Variants in ART1 observed in about 807,000 individuals in gnomAD.
The protein encoded by ART1 is ADP-ribosyltransferase 1.
In ART1, 29 loss-of-function variants were observed where a neutral mutation model predicts 27.0. The ratio of observed to expected loss-of-function variants is 1.08; its 90% confidence interval spans 0.80 to 1.47. The LOEUF is 1.47. ART1 is among the 40% of genes most tolerant of loss of function. The pLI is 0.00. For missense variants in ART1, 480 were observed against 423.0 expected, an observed-to-expected ratio of 1.13 and a Z score of -1.18; for synonymous variants, 201 against 172.2, an observed-to-expected ratio of 1.17 and a Z score of -1.31.
At chr11:3,657,565 A>T (rs1306106141) in intron 1 of ART1, among the ~76,000 whole-genome samples, 1 of 152,188 alleles carries the variant, frequency 6.6e-6, no homozygotes, top group Non-Finnish European at 1.5e-5. Flanking sequence ...ACAGAGCAAG[A>T]CCCTGCCTCA....
At chr11:3,659,439 C>T in intron 2 of ART1, 144 bp from the exon 3 acceptor site, 1 of 1,348,912 alleles carries the variant, frequency 7.4e-7, no homozygotes, top group Non-Finnish European at 1.0e-6. Context: ...GGGGAAATTA[C>T]AGCCAGAGGT....
At chr11:3,649,864 C>G (rs1488501969) in intron 1 of ART1, among the ~76,000 whole-genome samples, 1 of 152,126 alleles carries the variant, frequency 6.6e-6, no homozygotes, top group Non-Finnish European at 1.5e-5. Flanking sequence ...ATGGCTCGTT[C>G]GGCAGCAACC....
Position 3,661,404 on chromosome 11 carries a change from G to T in ART1, c.877G>T (p.Asp293Tyr). ...GTGCAAGTCTGGGCCTTGCCATCTG[G>T]ATAATTCAGGTAAGGGCTGCAGGCA... ...KKCKSGPCHL[D>Y]NSAMGQSPLS... The change falls in exon 4 of 5, where the codon GAT becomes TAT. Residue 293 changes from aspartate (D) to tyrosine (Y), a missense_variant. By Grantham distance (160) the Asp-to-Tyr change is radical. Transcript: ENST00000250693. 6.2e-7 allele frequency: 1 copy of T among 1,610,454 alleles called. No individual in the cohort carries two copies. The highest frequency in any genetic ancestry group is 8.5e-7 in the Non-Finnish European group (1 of 1,178,236).
At chr11:3,652,730 C>A (rs1446539294) in intron 1 of ART1, among the ~76,000 whole-genome samples, 1 of 151,376 alleles carries the variant, frequency 6.6e-6, no homozygotes, top group Non-Finnish European at 1.5e-5. Flanking sequence ...TCATACATGT[C>A]CTGCTCTTGT....
In ART1 at chr11:3,659,935, G is replaced by A; in HGVS notation, c.416G>A (p.Gly139Asp). The change falls in exon 3 of 5, where the codon GGC becomes GAC. Residue 139 changes from glycine (G) to aspartate (D), a missense_variant. Transcript: ENST00000250693. Reference sequence around the variant, plus strand: ...TTCAATGCAGCCGTGCGTGAGGCGGGCCGCTCCCGGGCCCACTACCTCCAC... The same window carrying A: ...TTCAATGCAGCCGTGCGTGAGGCGGACCGCTCCCGGGCCCACTACCTCCAC... Reference protein sequence around the residue: ...KEFNAAVREAGRSRAHYLHHF... With the variant: ...KEFNAAVREADRSRAHYLHHF... 1 of 1,613,492 alleles carries A rather than the reference G, an allele frequency of 6.2e-7. No homozygotes were observed. The highest frequency in any genetic ancestry group is 8.5e-7 in the Non-Finnish European group (1 of 1,179,784).
intron 1 of ART1, among the ~76,000 whole-genome samples, chr11:3,645,945 G>A (rs2077467080): frequency 6.6e-6 from 1 of 152,146 alleles, no homozygotes; most frequent in Non-Finnish European, 1.5e-5. Context: ...ACGTTGTTCT[G>A]CACTACAGAA....
chr11:3,661,023 T>C (rs2077615847), intron 3 of ART1, among the ~76,000 whole-genome samples: 1 of 152,156 alleles, frequency 6.6e-6, no homozygotes, highest in Non-Finnish European at 1.5e-5. Flanking sequence ...ATCAGGAGCA[T>C]GCATGAGTTG....
intron 1 of ART1, among the ~76,000 whole-genome samples, chr11:3,653,428 C>A (rs992894252): frequency 2.0e-5 from 3 of 148,310 alleles, no homozygotes. Context: ...CTCTACTGCG[C>A]ACCTTGTGAC....
intron 1 of ART1, among the ~76,000 whole-genome samples, chr11:3,655,051 T>G (rs1054698905): frequency 5.3e-5 from 8 of 152,168 alleles, no homozygotes; most frequent in Admixed American, 1.3e-4. Flanking sequence ...CTCATGGTCT[T>G]TGGGTTGACG....
rs769009481 is a variant in ART1, at chr11:3,660,351, G to A, written c.832G>A (p.Glu278Lys). ...ALGKHSTYNC[E>K]YIKDKKCKSG... ...GGGCAAGCACAGCACCTACAACTGC[G>A]AGTACATCAAAGGTAGGAGGGCAAG... The change falls in exon 3 of 5, where the codon GAG becomes AAG. Residue 278 changes from glutamate (E) to lysine (K), a missense_variant. Coordinates refer to ENST00000250693, the MANE Select transcript of ART1 (RefSeq NM_004314.3). The A allele has an allele frequency of 2.5e-6, 4 of 1,600,930 alleles. No individual in the cohort carries two copies. Among genetic ancestry groups the A allele is most frequent in the Non-Finnish European group, 3.4e-6 (4 of 1,178,546 alleles).
intron 1 of ART1, among the ~76,000 whole-genome samples, chr11:3,655,146 G>T (rs1350496330): frequency 6.6e-6 from 1 of 152,132 alleles, no homozygotes; most frequent in Non-Finnish European, 1.5e-5. Context: ...CCTTGCTCTG[G>T]GCTGGGCTCA....
At chr11:3,651,667 T>G (rs2077523059) in intron 1 of ART1, among the ~76,000 whole-genome samples, 1 of 151,316 alleles carries the variant, frequency 6.6e-6, no homozygotes. Context: ...TCATAACTTC[T>G]AAAATCTATT....
intron 4 of ART1, among the ~76,000 whole-genome samples, chr11:3,663,137 ATC>A (rs1157243252): frequency 2.1e-5 from 3 of 144,850 alleles, no homozygotes; most frequent in Non-Finnish European, 3.0e-5. Flanking sequence ...ATCTCATCTC[ATC>A]TCATCATCAT....
chr11:3,660,059 T>A lies in ART1; in HGVS notation c.540T>A (p.Gly180=). 6.2e-7 allele frequency: 1 copy of A among 1,613,592 alleles called. No individual in the cohort carries two copies. Among genetic ancestry groups the A allele is most frequent in the Non-Finnish European group, 8.5e-7 (1 of 1,179,908 alleles). The change falls in exon 3 of 5, where the codon GGT becomes GGA. Residue 180 remains glycine, a synonymous_variant. Transcript: ENST00000250693. ...CCCGGTGCCACCAGGTGTTCCGAGG[T>A]GTGCACGGCCTGCGCTTCCGGCCAG... is the stretch of plus-strand genomic sequence containing the variant. ...RPPRCHQVFR[G]VHGLRFRPAG...
chr11:3,655,623 C>G (rs1015688193), intron 1 of ART1: 3 of 152,180 alleles, frequency 2.0e-5, no homozygotes, highest in Non-Finnish European at 4.4e-5. Flanking sequence ...AGACAGTCTC[C>G]GGGAATATGG....
intron 1 of ART1, among the ~76,000 whole-genome samples, chr11:3,647,292 A>G (rs1397435034): frequency 3.3e-5 from 5 of 151,556 alleles, no homozygotes; most frequent in Non-Finnish European, 5.9e-5. Context: ...ATTGCACTCC[A>G]GCCTGGGCAA....
chr11:3,658,352 G>C (rs1324533640), intron 1 of ART1, among the ~76,000 whole-genome samples: 1 of 149,640 alleles, frequency 6.7e-6, no homozygotes, highest in South Asian at 2.1e-4. Flanking sequence ...AAAAAAAAGA[G>C]AGAGAAAGAA....
At chr11:3,663,097 ATC>A (rs745937194) in intron 4 of ART1, among the ~76,000 whole-genome samples, 5 of 115,548 alleles carry the variant, frequency 4.3e-5, no homozygotes, top group African/African-American at 1.8e-4. Context: ...TCATCATCTC[ATC>A]TCATCTCATC....
At chr11:3,662,240 G>C (rs918231954) in intron 4 of ART1, among the ~76,000 whole-genome samples, 1 of 152,184 alleles carries the variant, frequency 6.6e-6, no homozygotes, top group Non-Finnish European at 1.5e-5. Flanking sequence ...CAGTTTCTCT[G>C]TGTGTATAAT....
Sources: allele counts gnomAD v4.1 joint callset (sites outside exome capture counted in the v4.1 genomes callset), GRCh38; gene constraint gnomAD v4.1.1; transcripts MANE v1.5; gene names NCBI Gene and HGNC (gene_info 2026-07-23, HGNC 2026-07-21).